AMBRA1: variants seen among roughly 807,000 people sequenced by gnomAD.
The protein encoded by AMBRA1 is autophagy and beclin 1 regulator 1, also known as activating molecule in BECN1-regulated autophagy protein 1.
Under a neutral mutation model 125.4 loss-of-function variants are expected in AMBRA1, and 47 were observed. The observed-to-expected ratio is 0.37, with a 90% CI of 0.30 to 0.48. The LOEUF (loss-of-function observed/expected upper bound fraction) is 0.48, where lower values mean the gene tolerates loss of function less well. Among genes scored for constraint, AMBRA1 ranks in the 20% least tolerant of loss-of-function variants. The pLI, the probability that AMBRA1 is intolerant of heterozygous loss-of-function variation, is 0.99. For missense variants in AMBRA1, 1,331 were observed against 1,693.4 expected (o/e 0.79, Z 3.76); for synonymous variants, 626 against 655.5 (o/e 0.95, Z 0.69).
intron 11 of AMBRA1, among the ~76,000 whole-genome samples, chr11:46,451,311 C>T (rs1948583703): frequency 6.6e-6 from 1 of 152,200 alleles, no homozygotes; most frequent in Non-Finnish European, 1.5e-5. Flanking sequence ...TAGGCCAGAG[C>T]TCCCAGAATG....
chr11:46,577,605 G>A (rs752963747), intron 1 of AMBRA1, among the ~76,000 whole-genome samples: 28 of 151,944 alleles, frequency 1.8e-4, no homozygotes, highest in Non-Finnish European at 3.2e-4. Flanking sequence ...CTAAATTTAC[G>A]TGAAGTGAAT....
chr11:46,531,816 G>A (rs1485151847), intron 7 of AMBRA1, among the ~76,000 whole-genome samples: 2 of 151,070 alleles, frequency 1.3e-5, no homozygotes, highest in African/African-American at 2.4e-5. Context: ...GAATACATTC[G>A]ATATCTAAAT....
intron 17 of AMBRA1, among the ~76,000 whole-genome samples, chr11:46,403,571 G>A (rs1004886738): frequency 2.6e-5 from 4 of 152,316 alleles, no homozygotes; most frequent in East Asian, 1.9e-4. Flanking sequence ...GGAAGCCAAC[G>A]GTGAGCCCAG....
chr11:46,401,472 C>T (rs1189424610), intron 17 of AMBRA1, among the ~76,000 whole-genome samples: 3 of 152,198 alleles, frequency 2.0e-5, no homozygotes, highest in Non-Finnish European at 2.9e-5. Context: ...GACTCCTGAC[C>T]TTGTGATCCA....
intron 11 of AMBRA1, among the ~76,000 whole-genome samples, chr11:46,470,505 C>T (rs1193857147): frequency 6.8e-6 from 1 of 146,652 alleles, no homozygotes; most frequent in African/African-American, 2.6e-5. Flanking sequence ...AGGAGAATGG[C>T]GTGAACCCGG....
At chr11:46,586,267 GGTGTGGTGGCACACAC>G (rs1255766153) in intron 1 of AMBRA1, among the ~76,000 whole-genome samples, 1 of 152,130 alleles carries the variant, frequency 6.6e-6, no homozygotes, top group Non-Finnish European at 1.5e-5. Context: ...AAATTAGCCA[GGTGTGGTGGCACACAC>G]CTGTAATCCC....
chr11:46,508,118 C>T, intron 9 of AMBRA1, 73 bp downstream of exon 9: 1 of 1,497,210 alleles, frequency 6.7e-7, no homozygotes, highest in South Asian at 1.2e-5. Context: ...CATTGTAGCT[C>T]CAACAGTGGC....
At chr11:46,465,468 CT>C (rs1424873099) in intron 11 of AMBRA1, among the ~76,000 whole-genome samples, 1 of 152,084 alleles carries the variant, frequency 6.6e-6, no homozygotes, top group Non-Finnish European at 1.5e-5. Flanking sequence ...AGTGTAGGGT[CT>C]AAGTTTTTAC....
intron 7 of AMBRA1, among the ~76,000 whole-genome samples, chr11:46,534,726 TG>T (rs1286228630): frequency 1.3e-5 from 2 of 152,128 alleles, no homozygotes; most frequent in Non-Finnish European, 2.9e-5. Flanking sequence ...CAGGCTGCAG[TG>T]CAGAGGCGCA....
intron 14 of AMBRA1, chr11:46,429,150 T>A: frequency 6.3e-7 from 1 of 1,583,852 alleles, no homozygotes. Flanking sequence ...GGCATCAACA[T>A]CTGGCAGGTC....
At chr11:46,481,784 A>G (rs1284107890) in intron 11 of AMBRA1, among the ~76,000 whole-genome samples, 1 of 152,134 alleles carries the variant, frequency 6.6e-6, no homozygotes, top group African/African-American at 2.4e-5. Flanking sequence ...CTGAGGTCCA[A>G]CTCCCACTCT....
chr11:46,477,803 T>C (rs1013693909), intron 11 of AMBRA1, among the ~76,000 whole-genome samples: 2 of 151,940 alleles, frequency 1.3e-5, no homozygotes, highest in Non-Finnish European at 2.9e-5. Flanking sequence ...AGGCCAGGCA[T>C]AGTGGCTCAC....
At chr11:46,540,663 G>T (rs1156398554) in intron 7 of AMBRA1, among the ~76,000 whole-genome samples, 3 of 152,088 alleles carry the variant, frequency 2.0e-5, no homozygotes, top group African/African-American at 7.2e-5. Context: ...AAAAGGTCTT[G>T]CTCTCTCCAA....
intron 11 of AMBRA1, among the ~76,000 whole-genome samples, chr11:46,489,700 C>T (rs1242121171): frequency 6.6e-6 from 1 of 152,200 alleles, no homozygotes; most frequent in Non-Finnish European, 1.5e-5. Context: ...AGCTAATACC[C>T]CACATTACCC....
intron 7 of AMBRA1, among the ~76,000 whole-genome samples, chr11:46,518,898 G>A (rs1450635816): frequency 1.3e-5 from 2 of 152,064 alleles, no homozygotes. Context: ...GTGCAAAGAA[G>A]TTCCCTGTAT....
chr11:46,466,601 T>C (rs1169039433), intron 11 of AMBRA1, among the ~76,000 whole-genome samples: 3 of 152,100 alleles, frequency 2.0e-5, no homozygotes, highest in African/African-American at 4.8e-5. Context: ...TAAATAATAA[T>C]AGAGATCAGG....
intron 11 of AMBRA1, among the ~76,000 whole-genome samples, chr11:46,476,811 C>G (rs925316901): frequency 6.6e-6 from 1 of 152,138 alleles, no homozygotes; most frequent in African/African-American, 2.4e-5. Context: ...TAAAGAAAAT[C>G]AAGTTCAAAT....
At chr11:46,551,556 T>C (rs1215314339) in intron 1 of AMBRA1, among the ~76,000 whole-genome samples, 1 of 152,190 alleles carries the variant, frequency 6.6e-6, no homozygotes, top group Non-Finnish European at 1.5e-5. Flanking sequence ...ATCTGTTATC[T>C]TTATCAAAAA....
chr11:46,543,970 C>T lies in AMBRA1; in HGVS notation c.618+5G>A, dbSNP rs1952876288. On this transcript the variant is annotated splice_donor_5th_base_variant and intron_variant, in intron 6 of 17. Transcript: ENST00000683756. ...GCTGGAATTGGAACTGCTGGACTAA[C>T]TTACCTGTTGATTAGAGGGGTTAAC... The T allele has an allele frequency of 6.2e-7, 1 of 1,612,654 alleles. No homozygotes were observed. The highest frequency in any genetic ancestry group is 1.3e-5 in the African/African-American group (1 of 74,898).
Sources: allele counts gnomAD v4.1 joint callset (sites outside exome capture counted in the v4.1 genomes callset), GRCh38; gene constraint gnomAD v4.1.1; transcripts MANE v1.5; gene names NCBI Gene and HGNC (gene_info 2026-07-23, HGNC 2026-07-21).